The following TIAM1 variants were observed in gnomAD, a reference collection of about 807,000 sequenced individuals.
The protein encoded by TIAM1 is rho guanine nucleotide exchange factor TIAM1.
Under a neutral mutation model 163.5 loss-of-function variants are expected in TIAM1, and 65 were observed. The ratio of observed to expected loss-of-function variants is 0.40; its 90% CI spans 0.33 to 0.49. The LOEUF (loss-of-function observed/expected upper bound fraction) is 0.49. TIAM1 is among the 20% of genes least tolerant of loss of function. The pLI, the probability that TIAM1 is intolerant of heterozygous loss-of-function variation, is 0.77. For synonymous variants in TIAM1, 833 were observed against 810.1 expected, an observed-to-expected ratio of 1.03 and a Z score of -0.48; for missense variants, 1,789 against 2,044.7, an observed-to-expected ratio of 0.87 and a Z score of 2.41.
chr21:31,446,642 T>C (rs1236527420), intron 2 of TIAM1, among the ~76,000 whole-genome samples: 2 of 152,046 alleles, frequency 1.3e-5, no homozygotes, highest in Non-Finnish European at 2.9e-5. Flanking sequence ...CTTATGTCCC[T>C]GACATAACGA....
intron 2 of TIAM1, among the ~76,000 whole-genome samples, chr21:31,450,607 A>G (rs897075059): frequency 9.9e-5 from 15 of 152,178 alleles, no homozygotes; most frequent in African/African-American, 3.6e-4. Flanking sequence ...GAGTTGTGTT[A>G]GTCTGTTTTC....
At chr21:31,513,451 T>A (rs1015050349) in intron 1 of TIAM1, among the ~76,000 whole-genome samples, 1 of 152,218 alleles carries the variant, frequency 6.6e-6, no homozygotes, top group African/African-American at 2.4e-5. Context: ...GTTTCAATGC[T>A]ACCATGTTGT....
chr21:31,313,576 A>G (rs879610652), intron 2 of TIAM1, among the ~76,000 whole-genome samples: 4 of 152,126 alleles, frequency 2.6e-5, no homozygotes, highest in Non-Finnish European at 4.4e-5. Flanking sequence ...AGTTCAATAG[A>G]GCACACTTTA....
In TIAM1 at chr21:31,239,903, C is replaced by A. The variant is rs192057948; in HGVS notation, c.1584+5585G>T. On this transcript the variant is annotated intron_variant, in intron 6 of 27. Coordinates refer to ENST00000541036, the MANE Select transcript of TIAM1 (RefSeq NM_001353694.2). ...TAATGAGAGTATAAATTACATTAATCATTTTGAAAACTGTTTGGCATATCC... is the reference window on the plus strand; with the variant it reads ...TAATGAGAGTATAAATTACATTAATAATTTTGAAAACTGTTTGGCATATCC... Among the ~76,000 whole-genome samples, 375 of 152,292 alleles carry A rather than the reference C, an allele frequency of 2.5e-3. 1 individual carries two copies. Among genetic ancestry groups the A allele is most frequent in the African/African-American group, 8.6e-3 (356 of 41,562 alleles).
intron 1 of TIAM1, among the ~76,000 whole-genome samples, chr21:31,548,740 C>T (rs2048585918): frequency 6.6e-6 from 1 of 152,000 alleles, no homozygotes; most frequent in African/African-American, 2.4e-5. Flanking sequence ...CCACCCACCT[C>T]AGCCTCCCCA....
At chr21:31,279,699 G>A (rs935884378) in intron 2 of TIAM1, among the ~76,000 whole-genome samples, 13 of 152,080 alleles carry the variant, frequency 8.5e-5, no homozygotes, top group Admixed American at 4.6e-4. Context: ...AATTTGCCTC[G>A]TGCCTATCCC....
intron 13 of TIAM1, among the ~76,000 whole-genome samples, chr21:31,192,446 G>A (rs950066438): frequency 1.3e-5 from 2 of 151,936 alleles, no homozygotes; most frequent in African/African-American, 4.8e-5. Context: ...GGTGAAACCC[G>A]TCTCTTCTAA....
intron 6 of TIAM1, among the ~76,000 whole-genome samples, chr21:31,241,162 A>G (rs2071153636): frequency 6.6e-6 from 1 of 152,114 alleles, no homozygotes; most frequent in Non-Finnish European, 1.5e-5. Flanking sequence ...TCTTTTCCTT[A>G]TAAATTACCC....
intron 12 of TIAM1, among the ~76,000 whole-genome samples, chr21:31,195,867 G>A (rs2085825682): frequency 6.6e-6 from 1 of 152,014 alleles, no homozygotes; most frequent in South Asian, 2.1e-4. Flanking sequence ...CCCAAGAAAG[G>A]AAATAACTTA....
In TIAM1 at chr21:31,143,216, A is replaced by T. The variant is rs561307993; in HGVS notation, c.3476-1712T>A. ...TATGATAAACCAGTAAATGAACACAATCAACATTGGAAAAAGCACATTCTT... is the reference window on the plus strand; with the variant it reads ...TATGATAAACCAGTAAATGAACACATTCAACATTGGAAAAAGCACATTCTT... On this transcript the variant is annotated intron_variant, in intron 20 of 27. Coordinates refer to ENST00000541036, the MANE Select transcript of TIAM1 (RefSeq NM_001353694.2). 6.6e-5 allele frequency among the ~76,000 whole-genome samples: 10 copies of T among 152,270 alleles called. No individual in the cohort carries two copies. The East Asian group carries it at 1.7e-3, about 26-fold the overall frequency.
Position 31,124,829 on chromosome 21 carries a change from A to G in TIAM1, c.4134-135T>C, listed in dbSNP as rs2082133105. On this transcript the variant is annotated intron_variant, in intron 26 of 27. Coordinates refer to ENST00000541036, the MANE Select transcript of TIAM1 (RefSeq NM_001353694.2). ...GACTGAGGCCTTGACTCCAATTTCT[A>G]TGCTGAGCGGTGATTTCACGCCAGT... 7 of 673,770 alleles carry G rather than the reference A, an allele frequency of 1.0e-5. No homozygotes were observed. In the East Asian group the frequency reaches 1.7e-4, roughly 17 times the overall value. The allele number at this position is 673,770 out of a possible 1,614,324, so 41.7% of individuals were successfully genotyped here.
chr21:31,285,920 G>A (rs2073791562), intron 2 of TIAM1, among the ~76,000 whole-genome samples: 1 of 152,134 alleles, frequency 6.6e-6, no homozygotes, highest in Admixed American at 6.5e-5. Flanking sequence ...CAGTCTTCCA[G>A]ATAATGAGAA....
At chr21:31,346,095 A>G (rs912247663), upstream of TIAM1, among the ~76,000 whole-genome samples, 1 of 152,004 alleles carries the variant, frequency 6.6e-6, no homozygotes, top group African/African-American at 2.4e-5. Context: ...GTTGCTACTG[A>G]TATCTAGTAG....
At chr21:31,338,895 C>A (rs1569242029) in intron 2 of TIAM1, among the ~76,000 whole-genome samples, 1 of 152,154 alleles carries the variant, frequency 6.6e-6, no homozygotes, top group South Asian at 2.1e-4. Context: ...CACGTTGATA[C>A]CAAGTTTCCC....
At chr21:31,372,316 C>T (rs1186886397) in intron 2 of TIAM1, among the ~76,000 whole-genome samples, 1 of 152,192 alleles carries the variant, frequency 6.6e-6, no homozygotes, top group Non-Finnish European at 1.5e-5. Context: ...GCTTGAGGAG[C>T]TCCTTCTGGG....
At chr21:31,478,171 A>C (rs2045995821) in intron 1 of TIAM1, among the ~76,000 whole-genome samples, 1 of 152,220 alleles carries the variant, frequency 6.6e-6, no homozygotes, top group African/African-American at 2.4e-5. Flanking sequence ...AAGCAAAATC[A>C]ATTATTTCTA....
intron 1 of TIAM1, among the ~76,000 whole-genome samples, chr21:31,530,434 C>T (rs969149365): frequency 6.6e-6 from 1 of 152,250 alleles, no homozygotes; most frequent in Non-Finnish European, 1.5e-5. Flanking sequence ...TGCTCTTCAC[C>T]GTCAATGCTA....
chr21:31,383,525 G>C (rs1198662736), intron 2 of TIAM1, among the ~76,000 whole-genome samples: 1 of 152,054 alleles, frequency 6.6e-6, no homozygotes, highest in Non-Finnish European at 1.5e-5. Flanking sequence ...TTACAAACAG[G>C]CTCAAAATGG....
At chr21:31,475,273 C>G (rs2147383239) in intron 1 of TIAM1, among the ~76,000 whole-genome samples, 1 of 152,056 alleles carries the variant, frequency 6.6e-6, no homozygotes, top group Non-Finnish European at 1.5e-5. Context: ...AGGCTGGTCT[C>G]AAACTCCTGG....
Sources: allele counts gnomAD v4.1 joint callset (sites outside exome capture counted in the v4.1 genomes callset), GRCh38; gene constraint gnomAD v4.1.1; transcripts MANE v1.5; gene names NCBI Gene and HGNC (gene_info 2026-07-23, HGNC 2026-07-21).